Variants in RFT1 observed in about 807,000 individuals in gnomAD.
The protein encoded by RFT1 is RFT1 glycolipid translocator homolog.
RFT1 carries 43 observed loss-of-function variants against 62.2 expected under a neutral mutation model. The observed-to-expected ratio is 0.69, with a 90% CI of 0.54 to 0.89. The LOEUF (loss-of-function observed/expected upper bound fraction) is 0.89, where lower values mean the gene tolerates loss of function less well. RFT1 is among the 40% of genes least tolerant of loss of function. The probability of loss-of-function intolerance (pLI) is 0.00; values close to 1 mark genes in which losing one functional copy is unlikely to be tolerated. For missense variants in RFT1, 605 were observed against 649.9 expected (o/e 0.93, Z 0.75); for synonymous variants, 262 against 264.6 (o/e 0.99, Z 0.10).
chr3:53,067,308 C>T, the RFT1 span, among the ~76,000 whole-genome samples: 1 of 152,134 alleles, frequency 6.6e-6, no homozygotes, highest in Non-Finnish European at 1.5e-5. Flanking sequence ...GTGATGGCGC[C>T]CCACTGCACT....
At position 53,105,725 on chromosome 3, in the gene RFT1, A is replaced by G. The variant is rs773918760; in HGVS notation, c.905T>C (p.Ile302Thr). Residue 302 changes from isoleucine to threonine, a missense_variant, in exon 9 of 13, where the codon ATA becomes ACA. Physicochemically the swap from Ile to Thr is moderately conservative, Grantham distance 89. Transcript: ENST00000296292. ...IFQPIEESFYIFFAKVLERGK... is the reference protein window; with the variant it reads ...IFQPIEESFYTFFAKVLERGK... ...CCTCTCCAGCACCTTAGCAAAAAAT[A>G]TATAAAAACTTTCCTCTATTGGCTG... is the stretch of plus-strand genomic sequence containing the variant. The G allele has an allele frequency of 1.9e-6, 3 of 1,613,978 alleles. No individual in the cohort carries two copies. The highest frequency in any genetic ancestry group is 1.1e-5 in the South Asian group (1 of 91,080).
intron 10 of RFT1, among the ~76,000 whole-genome samples, chr3:53,102,399 AAAGT>A (rs1389295003): frequency 6.6e-6 from 1 of 152,242 alleles, no homozygotes; most frequent in Non-Finnish European, 1.5e-5. Flanking sequence ...GAGAAGGAAA[AAAGT>A]AAAAGGCAGA....
intron 1 of RFT1, among the ~76,000 whole-genome samples, chr3:53,128,868 AAAC>A (rs1221466895): frequency 2.6e-5 from 4 of 152,244 alleles, no homozygotes; most frequent in African/African-American, 7.2e-5. Flanking sequence ...TTGACACTAA[AAAC>A]AACGAGGTAA....
At chr3:53,104,301 G>C (rs935161726) in intron 9 of RFT1, among the ~76,000 whole-genome samples, 1 of 152,186 alleles carries the variant, frequency 6.6e-6, no homozygotes, top group African/African-American at 2.4e-5. Flanking sequence ...AGGTCGTAAG[G>C]GGGAGGGTTA....
rs781210852 is a variant in RFT1 at position 53,092,112 on chromosome 3, T to C, written c.1459-42A>G. On this transcript the variant is annotated intron_variant, in intron 12 of 12. Coordinates refer to ENST00000296292, the MANE Select transcript of RFT1 (RefSeq NM_052859.4). ...TTGTCAGTGCCTGTTCCTCAGTCTATACCTCCTTCCTCTGGGACCAGCCAG... is the reference window on the plus strand; with the variant it reads ...TTGTCAGTGCCTGTTCCTCAGTCTACACCTCCTTCCTCTGGGACCAGCCAG... 4 of 1,611,768 alleles carry C rather than the reference T, an allele frequency of 2.5e-6. No homozygotes were observed. The South Asian group carries it at 4.4e-5, about 18-fold the overall frequency.
chr3:53,113,463 G>A (rs2107139784), intron 6 of RFT1, among the ~76,000 whole-genome samples: 1 of 152,342 alleles, frequency 6.6e-6, no homozygotes, highest in South Asian at 2.1e-4. Context: ...TCTCCAAAAG[G>A]TCAGCCACAG....
intron 4 of RFT1, 68 bp downstream of exon 4, chr3:53,122,306 G>A: frequency 7.0e-7 from 1 of 1,437,050 alleles, no homozygotes; most frequent in African/African-American, 1.4e-5. Flanking sequence ...TCCTATAAAA[G>A]CATTTTTAAA....
chr3:53,088,330 C>T (rs1575475759), downstream of RFT1, among the ~76,000 whole-genome samples: 1 of 152,278 alleles, frequency 6.6e-6, no homozygotes, highest in Non-Finnish European at 1.5e-5. Context: ...AGTCAAGAAG[C>T]CCAGTCCCAG....
At chr3:53,122,319 A>C (rs1559597536) in intron 4 of RFT1, 55 bp downstream of exon 4, 3 of 1,545,528 alleles carry the variant, frequency 1.9e-6, no homozygotes, top group Admixed American at 3.3e-5. Flanking sequence ...TTTTTAAAAA[A>C]CAACGCTTTT....
In RFT1 at chr3:53,104,080, A is replaced by T; in HGVS notation, c.975T>A (p.Ala325=). 6.2e-7 allele frequency: 1 copy of T among 1,614,210 alleles called. No homozygotes were observed. Among genetic ancestry groups the T allele is most frequent in the South Asian group, 1.1e-5 (1 of 91,082 alleles). ...TGAGCAGGGACTCCAAGACTGCAGCAGCCACAGCAACGTCCTCCTGGGGCC... is the reference window on the plus strand; with the variant it reads ...TGAGCAGGGACTCCAAGACTGCAGCTGCCACAGCAACGTCCTCCTGGGGCC... ...TLQKQEDVAV[A]AAVLESLLKL... The change falls in exon 10 of 13, where the codon GCT becomes GCA. Residue 325 remains alanine (A), a synonymous_variant. Coordinates refer to ENST00000296292, the MANE Select transcript of RFT1 (RefSeq NM_052859.4).
At chr3:53,086,238 A>C (rs1261211353), downstream of RFT1, among the ~76,000 whole-genome samples, 2 of 152,182 alleles carry the variant, frequency 1.3e-5, no homozygotes, top group Admixed American at 1.3e-4. Context: ...CACAAGTCTC[A>C]GTTACTTCCT....
chr3:53,103,212 C>G, intron 10 of RFT1: 1 of 985,300 alleles, frequency 1.0e-6, no homozygotes, highest in Non-Finnish European at 1.2e-6. Flanking sequence ...TGACAAAGCC[C>G]TTTATATTGA....
At position 53,130,390 on chromosome 3, in the gene RFT1, T is replaced by G. The variant is rs768445984; in HGVS notation, c.11A>C (p.Gln4Pro). MGS[Q>P]EVLGHAARLA... is the part of the protein sequence containing the mutation. ...CCGGGCCGCGTGGCCCAGCACCTCCTGGCTGCCCATAGCCTCCGCGCCAGG... is the reference window on the plus strand; with the variant it reads ...CCGGGCCGCGTGGCCCAGCACCTCCGGGCTGCCCATAGCCTCCGCGCCAGG... The change falls in exon 1 of 13, where the codon CAG becomes CCG. Residue 4 changes from glutamine to proline, a missense_variant. Gln to Pro is a moderately conservative substitution (Grantham distance 76). Coordinates refer to ENST00000296292, the MANE Select transcript of RFT1 (RefSeq NM_052859.4). The G allele has an allele frequency of 5.8e-6, 9 of 1,555,900 alleles. 1 individual carries two copies. In the South Asian group the frequency reaches 8.3e-5, roughly 14 times the overall value.
the RFT1 span, among the ~76,000 whole-genome samples, chr3:53,073,162 T>C: frequency 1.2e-4 from 19 of 152,270 alleles, no homozygotes; most frequent in South Asian, 1.7e-3. Flanking sequence ...TGGGCAATGA[T>C]TGACATAACA....
chr3:53,084,140 T>C (rs149833053), downstream of RFT1, among the ~76,000 whole-genome samples: 115 of 152,300 alleles, frequency 7.6e-4, 2 homozygotes, highest in East Asian at 0.019. Flanking sequence ...AAGAGTGTGC[T>C]CCAAGGCTGG....
chr3:53,084,901 G>A (rs187834941), downstream of RFT1, among the ~76,000 whole-genome samples: 1 of 152,354 alleles, frequency 6.6e-6, no homozygotes, highest in Admixed American at 6.5e-5. Context: ...TGGGGAAGGG[G>A]CGATGAGGGA....
intron 9 of RFT1, among the ~76,000 whole-genome samples, chr3:53,105,434 G>A (rs1701440978): frequency 1.4e-5 from 2 of 143,928 alleles, no homozygotes; most frequent in Non-Finnish European, 3.0e-5. Context: ...CCCAAAAAGA[G>A]TAAGGTCACA....
chr3:53,078,768 C>T, the RFT1 span, among the ~76,000 whole-genome samples: 3 of 152,324 alleles, frequency 2.0e-5, no homozygotes, highest in East Asian at 3.9e-4. Context: ...TAATCTCCAC[C>T]GTGACCTCTG....
At chr3:53,099,524 T>C in intron 10 of RFT1, 38 bp from the exon 11 acceptor site, 1 of 1,523,078 alleles carries the variant, frequency 6.6e-7, no homozygotes, top group Non-Finnish European at 9.1e-7. Context: ...CAGAGCCCAA[T>C]CAGAAGGCCC....
Sources: allele counts gnomAD v4.1 joint callset (sites outside exome capture counted in the v4.1 genomes callset), GRCh38; gene constraint gnomAD v4.1.1; transcripts MANE v1.5; gene names NCBI Gene and HGNC (gene_info 2026-07-23, HGNC 2026-07-21).